The following CMC1 variants were observed in gnomAD, a reference collection of about 807,000 sequenced individuals.
CMC1 encodes COX assembly mitochondrial protein homolog.
A neutral mutation model predicts 14.1 loss-of-function variants in CMC1; 14 were observed. That is an observed-to-expected ratio of 0.99 (90% CI 0.66 to 1.55). The LOEUF is 1.55. Among genes scored for constraint, CMC1 ranks in the 40% most tolerant of loss-of-function variants. The pLI, the probability that CMC1 is intolerant of heterozygous loss-of-function variation, is 0.00. For synonymous variants in CMC1, 50 were observed against 38.4 expected (o/e 1.30, Z -1.12); for missense variants, 127 against 123.8 (o/e 1.03, Z -0.12).
chr3:28,263,078 GTT>G, intron 1 of CMC1: 1 of 467,784 alleles, frequency 2.1e-6, no homozygotes, highest in Non-Finnish European at 3.8e-6. Context: ...TAAGAAACAT[GTT>G]GCTTGTATTC....
In CMC1 at chr3:28,323,869, A is replaced by G; in HGVS notation, c.*4240A>G. 1.6e-6 allele frequency: 1 copy of G among 632,604 alleles called. No individual in the cohort carries two copies. Among genetic ancestry groups the G allele is most frequent in the Non-Finnish European group, 2.6e-6 (1 of 387,964 alleles). The allele number at this position is 632,604 out of a possible 1,614,324, so 39.2% of individuals were successfully genotyped here. On this transcript the variant is annotated 3_prime_UTR_variant, in exon 4 of 4. Coordinates refer to ENST00000466830, the MANE Select transcript of CMC1 (RefSeq NM_182523.2). Reference sequence around the variant, plus strand: ...GAGCTAGAGGGTGCTCTTTCATACTAGAAAACCAACTATGTTGGTTTTTGT... The same window carrying G: ...GAGCTAGAGGGTGCTCTTTCATACTGGAAAACCAACTATGTTGGTTTTTGT...
rs1323716360 is a variant in CMC1, at chr3:28,324,733, T to C, written c.*5104T>C. 1.0e-5 allele frequency: 3 copies of C among 291,662 alleles called. No individual in the cohort carries two copies. Among genetic ancestry groups the C allele is most frequent in the African/African-American group, 2.2e-5 (1 of 45,960 alleles). The allele number at this position is 291,662 out of a possible 1,614,324, so 18.1% of individuals were successfully genotyped here. ...GGATATAGAATTCCTGTCCCAACTA[T>C]GTCATAGAGCTTTTAAAAGATGAAG... On this transcript the variant is annotated 3_prime_UTR_variant, in exon 4 of 4. Transcript: ENST00000466830.
chr3:28,271,385 G>T (rs1700278224), intron 2 of CMC1, among the ~76,000 whole-genome samples: 1 of 152,170 alleles, frequency 6.6e-6, no homozygotes, highest in Admixed American at 6.5e-5. Flanking sequence ...TGTATAAGGT[G>T]TAAGGAAGGG....
chr3:28,316,808 A>G (rs1255991230), intron 3 of CMC1: 1 of 154,112 alleles, frequency 6.5e-6, no homozygotes, highest in Admixed American at 6.5e-5. Context: ...TTGTTGGATT[A>G]ATATAATTTA....
intron 2 of CMC1, among the ~76,000 whole-genome samples, chr3:28,288,895 A>AT (rs1701331533): frequency 6.6e-6 from 1 of 151,722 alleles, no homozygotes; most frequent in African/African-American, 2.4e-5. Flanking sequence ...TGAAAAAGTG[A>AT]TTATTAAAAC....
chr3:28,296,529 T>G (rs1309829268), intron 2 of CMC1, among the ~76,000 whole-genome samples: 1 of 152,054 alleles, frequency 6.6e-6, no homozygotes, highest in Non-Finnish European at 1.5e-5. Context: ...AAAAATATTC[T>G]TTGTGGAATT....
chr3:28,288,642 A>G (rs769504748), intron 2 of CMC1, among the ~76,000 whole-genome samples: 5 of 152,036 alleles, frequency 3.3e-5, no homozygotes, highest in Non-Finnish European at 5.9e-5. Context: ...AGGAATATAA[A>G]CATTTAAATC....
intron 1 of CMC1, among the ~76,000 whole-genome samples, chr3:28,258,578 A>G (rs1699550883): frequency 6.7e-6 from 1 of 150,278 alleles, no homozygotes; most frequent in Non-Finnish European, 1.5e-5. Flanking sequence ...TGCATTTGCC[A>G]ATAAATTGAT....
rs1035354378 is a variant in CMC1, at chr3:28,282,034, A to G, written c.109+18654A>G. Among the ~76,000 whole-genome samples the G allele has an allele frequency of 2.6e-5, 4 of 151,366 alleles. No homozygotes were observed. In the East Asian group the frequency reaches 7.7e-4, roughly 29 times the overall value. On this transcript the variant is annotated intron_variant, in intron 2 of 3. Transcript: ENST00000466830. ...GAAGTTTAGATTTGATTTCTGGTTA[A>G]AAAAAATCAGAAGAATTTGAAATCT...
chr3:28,317,352 TTAA>T (rs1458463537), intron 3 of CMC1: 2 of 152,040 alleles, frequency 1.3e-5, no homozygotes, highest in East Asian at 3.9e-4. Context: ...TTTTCTTAAG[TTAA>T]TAATATCAAA....
Position 28,319,709 on chromosome 3 carries a change from A to G in CMC1, c.*80A>G, listed in dbSNP as rs570473206. The G allele has an allele frequency of 7.1e-6, 8 of 1,124,058 alleles. No individual in the cohort carries two copies. In the South Asian group the frequency reaches 7.3e-5, roughly 10 times the overall value. The allele number at this position is 1,124,058 out of a possible 1,614,324, so 69.6% of individuals were successfully genotyped here. A position where few individuals can be genotyped will look rare whatever the true frequency, so the allele number is the denominator to read the frequency against. On this transcript the variant is annotated 3_prime_UTR_variant, in exon 4 of 4. Coordinates refer to ENST00000466830, the MANE Select transcript of CMC1 (RefSeq NM_182523.2). The stretch of plus-strand genomic sequence containing the variant: ...GTCCTTAAATAATGGACTCAAGCAT[A>G]TATGTTTGCTTTACCTTAATTATGG...
intron 2 of CMC1, among the ~76,000 whole-genome samples, chr3:28,310,320 A>G (rs1346345609): frequency 2.6e-5 from 4 of 152,222 alleles, no homozygotes; most frequent in African/African-American, 4.8e-5. Context: ...CTTACTCTAC[A>G]TGGTAACCCC....
chr3:28,311,296 T>C (rs1178233343), intron 2 of CMC1, among the ~76,000 whole-genome samples: 1 of 152,194 alleles, frequency 6.6e-6, no homozygotes, highest in Non-Finnish European at 1.5e-5. Context: ...TATATTTGGC[T>C]TTGTCTATAG....
Position 28,251,118 on chromosome 3 carries a change from A to C in CMC1, c.19+9306A>C, listed in dbSNP as rs192536529. ...ATACCTTAGGATGAGTAATTTATAA[A>C]GAAAGAAGTGTATTTAGCTCACAGT... On this transcript the variant is annotated intron_variant, in intron 1 of 3. Coordinates refer to ENST00000466830, the MANE Select transcript of CMC1 (RefSeq NM_182523.2). Among the ~76,000 whole-genome samples, 44 of 152,340 alleles carry C rather than the reference A, an allele frequency of 2.9e-4. 2 individuals are homozygous for C. Among genetic ancestry groups the C allele is most frequent in the South Asian group, 1.9e-3 (9 of 4,826 alleles).
At chr3:28,293,188 C>T (rs1273361764) in intron 2 of CMC1, among the ~76,000 whole-genome samples, 1 of 152,024 alleles carries the variant, frequency 6.6e-6, no homozygotes, top group African/African-American at 2.4e-5. Context: ...CCGTGTCTGC[C>T]TGGGTGACAT....
intron 1 of CMC1, chr3:28,262,966 G>T: frequency 4.7e-6 from 1 of 214,584 alleles, no homozygotes; most frequent in South Asian, 7.4e-5. Flanking sequence ...ATCCTCTTTT[G>T]TGGATTATAT....
At chr3:28,250,574 G>A (rs79760825) in intron 1 of CMC1, among the ~76,000 whole-genome samples, 2,608 of 152,176 alleles carry the variant, frequency 0.017, 84 homozygotes, top group African/African-American at 0.059. Flanking sequence ...AATATTTATC[G>A]TGTTGCTTCT....
chr3:28,258,270 TTG>T (rs1168520479), intron 1 of CMC1, among the ~76,000 whole-genome samples: 1 of 151,410 alleles, frequency 6.6e-6, no homozygotes, highest in Non-Finnish European at 1.5e-5. Context: ...ATTTTCTTAA[TTG>T]TGTCTTTTGA....
intron 2 of CMC1, among the ~76,000 whole-genome samples, chr3:28,274,215 TTTTTC>T (rs1559415155): frequency 1.2e-4 from 15 of 124,826 alleles, no homozygotes; most frequent in East Asian, 2.3e-4. Flanking sequence ...TGTTTTTGTT[TTTTTC>T]TTTTTTTTTT....
Sources: gnomAD v4.1 joint callset for allele counts (sites outside exome capture counted in the v4.1 genomes callset) on GRCh38, gnomAD v4.1.1 for gene constraint, MANE v1.5 for transcripts, NCBI Gene and HGNC (gene_info 2026-07-23, HGNC 2026-07-21) for gene names.